The following SHISA9 variants were observed in gnomAD, a reference collection of about 807,000 sequenced individuals.
SHISA9 encodes shisa family member 9.
Under a neutral mutation model 38.0 loss-of-function variants are expected in SHISA9, and 13 were observed. The ratio of observed to expected loss-of-function variants is 0.34; its 90% confidence interval spans 0.22 to 0.54. The LOEUF (loss-of-function observed/expected upper bound fraction) is 0.54. Ranked by LOEUF, SHISA9 falls within the 20% of genes least tolerant of loss-of-function variation. The pLI, the probability that SHISA9 is intolerant of heterozygous loss-of-function variation, is 0.91. For missense variants in SHISA9, 538 were observed against 575.8 expected, an observed-to-expected ratio of 0.93 and a Z score of 0.67; for synonymous variants, 275 against 242.0, an observed-to-expected ratio of 1.14 and a Z score of -1.27.
Position 13,121,286 on chromosome 16 carries a change from C to T in SHISA9, c.692-82108C>T, listed in dbSNP as rs1281810237. Among the ~76,000 whole-genome samples, 5 of 152,156 alleles carry T rather than the reference C, an allele frequency of 3.3e-5. 1 individual carries two copies. The highest frequency in any genetic ancestry group is 1.2e-4 in the African/African-American group (5 of 41,442). The stretch of plus-strand genomic sequence containing the variant: ...GGAGGATCACTTGAGCCCAGGAGTT[C>T]GAGACCAACCTGGGTAACATAGTGA... On this transcript the variant is annotated intron_variant, in intron 2 of 4. Coordinates refer to ENST00000558583, the MANE Select transcript of SHISA9 (RefSeq NM_001145204.3).
At chr16:13,127,038 AGGAAGGAGAGAGACTGAG>A (rs1228300960) in intron 2 of SHISA9, among the ~76,000 whole-genome samples, 2 of 132,440 alleles carry the variant, frequency 1.5e-5, no homozygotes, top group Admixed American at 7.4e-5. Flanking sequence ...AGCCGAAGGA[AGGAAGGAGAGAGACTGAG>A]GGAAGGAGAG....
chr16:13,198,885 AG>A (rs1397891793), intron 2 of SHISA9, among the ~76,000 whole-genome samples: 1 of 152,200 alleles, frequency 6.6e-6, no homozygotes, highest in African/African-American at 2.4e-5. Context: ...TTCTTTTGAG[AG>A]GGATCGCTTT....
the SHISA9 span, among the ~76,000 whole-genome samples, chr16:13,280,117 C>CTTTTTTTTTTTTTTTTTTTTTTT: frequency 1.9e-5 from 2 of 102,820 alleles, no homozygotes; most frequent in Admixed American, 9.1e-5. Context: ...CTCTCTTTCT[C>CTTTTTTTTTTTTTTTTTTTTTTT]TTTTTTTTTT....
intron 2 of SHISA9, among the ~76,000 whole-genome samples, chr16:13,011,019 A>C (rs1039277521): frequency 5.9e-5 from 9 of 152,144 alleles, no homozygotes; most frequent in African/African-American, 2.2e-4. Context: ...TTCCTCTCCG[A>C]TATTCTTGCT....
chr16:13,391,565 G>C, the SHISA9 span, among the ~76,000 whole-genome samples: 3 of 152,174 alleles, frequency 2.0e-5, no homozygotes, highest in Non-Finnish European at 4.4e-5. Context: ...TGGGTTCGGG[G>C]GGAGTTCCAA....
intron 2 of SHISA9, among the ~76,000 whole-genome samples, chr16:12,982,868 T>C (rs2072258721): frequency 6.6e-6 from 1 of 152,238 alleles, no homozygotes; most frequent in Admixed American, 6.5e-5. Context: ...TATAGGTAGC[T>C]GTCAGTTTCC....
the SHISA9 span, among the ~76,000 whole-genome samples, chr16:13,308,486 A>G: frequency 7.2e-5 from 11 of 152,270 alleles, no homozygotes; most frequent in East Asian, 1.5e-3. Context: ...GATGGAGACA[A>G]TGTTAGCCAG....
At chr16:13,167,596 G>A (rs1398356029) in intron 2 of SHISA9, among the ~76,000 whole-genome samples, 1 of 152,134 alleles carries the variant, frequency 6.6e-6, no homozygotes, top group African/African-American at 2.4e-5. Flanking sequence ...TAATGATTTA[G>A]CACCACCTCT....
chr16:12,940,476 T>C (rs1006294751), intron 2 of SHISA9, among the ~76,000 whole-genome samples: 1 of 148,602 alleles, frequency 6.7e-6, no homozygotes, highest in Non-Finnish European at 1.5e-5. Context: ...CTGCCTTATC[T>C]AAGAAAGTTT....
At chr16:13,387,831 G>A in the SHISA9 span, among the ~76,000 whole-genome samples, 11 of 152,068 alleles carry the variant, frequency 7.2e-5, no homozygotes, top group East Asian at 9.7e-4. Context: ...AAAATGACTC[G>A]CTAACTATGG....
intron 2 of SHISA9, among the ~76,000 whole-genome samples, chr16:13,063,896 T>C (rs1017045680): frequency 7.9e-5 from 12 of 152,202 alleles, no homozygotes; most frequent in African/African-American, 2.4e-4. Context: ...ACAGCCAGGC[T>C]GGGCTCTTGT....
chr16:13,370,042 A>G, the SHISA9 span, among the ~76,000 whole-genome samples: 2 of 152,124 alleles, frequency 1.3e-5, no homozygotes, highest in African/African-American at 2.4e-5. Flanking sequence ...ACCAAAAACC[A>G]TTTGTACCTG....
At chr16:13,393,505 A>C in the SHISA9 span, among the ~76,000 whole-genome samples, 1 of 152,098 alleles carries the variant, frequency 6.6e-6, no homozygotes, top group Middle Eastern at 3.2e-3. Context: ...TTCCTTTTTA[A>C]TACTATTGTT....
At chr16:13,430,659 A>AT in the SHISA9 span, among the ~76,000 whole-genome samples, 1 of 152,058 alleles carries the variant, frequency 6.6e-6, no homozygotes, top group African/African-American at 2.4e-5. Flanking sequence ...TAATCTCAGC[A>AT]TTTTGAGAGT....
At chr16:13,523,399 A>G in the SHISA9 span, among the ~76,000 whole-genome samples, 1 of 152,202 alleles carries the variant, frequency 6.6e-6, no homozygotes, top group Non-Finnish European at 1.5e-5. Context: ...GACAATACAC[A>G]GTATTAATAG....
chr16:13,172,851 C>G (rs748922269), intron 2 of SHISA9, among the ~76,000 whole-genome samples: 1 of 147,214 alleles, frequency 6.8e-6, no homozygotes, highest in East Asian at 2.0e-4. Flanking sequence ...TATTTTGAAA[C>G]GCCGAATAAT....
chr16:13,022,995 G>C (rs34309033), intron 2 of SHISA9, among the ~76,000 whole-genome samples: 37,692 of 149,448 alleles, frequency 0.25, 5,097 homozygotes, highest in East Asian at 0.43. Context: ...GCAAAGACCC[G>C]TTTTTCTTTC....
chr16:13,019,883 CCTTCTTTCTTTCT>C, intron 2 of SHISA9, among the ~76,000 whole-genome samples: 1 of 12,452 alleles, frequency 8.0e-5, no homozygotes, highest in Non-Finnish European at 1.7e-4. Context: ...TCCCTCCCTC[CCTTCTTTCTTTCT>C]TTCTTTCTTT....
the SHISA9 span, among the ~76,000 whole-genome samples, chr16:13,460,562 G>T: frequency 2.0e-5 from 3 of 152,308 alleles, no homozygotes; most frequent in African/African-American, 7.2e-5. Flanking sequence ...CTAGTAGTTT[G>T]TGTTTTTAGG....
Sources: gnomAD v4.1 joint callset for allele counts (sites outside exome capture counted in the v4.1 genomes callset) on GRCh38, gnomAD v4.1.1 for gene constraint, MANE v1.5 for transcripts, NCBI Gene and HGNC (gene_info 2026-07-23, HGNC 2026-07-21) for gene names.